Variants in PRLR observed in about 807,000 individuals in gnomAD.
The protein encoded by PRLR is hPRL receptor.
In PRLR, 13 loss-of-function variants were observed where a neutral mutation model predicts 40.2. The observed-to-expected ratio is 0.32, with a 90% CI of 0.21 to 0.51. The LOEUF (loss-of-function observed/expected upper bound fraction) is 0.51, where lower values mean the gene tolerates loss of function less well. Ranked by LOEUF, PRLR falls within the 20% of genes least tolerant of loss-of-function variation. The pLI is 0.97. For missense variants in PRLR, 656 were observed against 747.3 expected (o/e 0.88, Z 1.42); for synonymous variants, 269 against 278.7 (o/e 0.97, Z 0.35).
intron 1 of PRLR, among the ~76,000 whole-genome samples, chr5:35,220,197 C>G (rs1330890638): frequency 6.6e-6 from 1 of 152,216 alleles, no homozygotes; most frequent in Non-Finnish European, 1.5e-5. Context: ...ATGTTAGGCT[C>G]TCAAAGCACT....
chr5:35,066,232 C>T, intron 9 of PRLR, 130 bp from the exon 10 acceptor site: 1 of 928,712 alleles, frequency 1.1e-6, no homozygotes, highest in Non-Finnish European at 1.6e-6. Flanking sequence ...CATTTGTGTG[C>T]CAGGCCATCT....
intron 1 of PRLR, among the ~76,000 whole-genome samples, chr5:35,131,242 G>A (rs561528845): frequency 3.3e-5 from 5 of 152,176 alleles, no homozygotes; most frequent in African/African-American, 1.2e-4. Flanking sequence ...ATGGGATTTT[G>A]TTGGCCTAAT....
intron 1 of PRLR, among the ~76,000 whole-genome samples, chr5:35,182,225 G>A (rs560715265): frequency 6.6e-6 from 1 of 152,136 alleles, no homozygotes; most frequent in Admixed American, 6.5e-5. Flanking sequence ...AGAAACTGAG[G>A]CACTGATTCT....
rs550363071 is a variant in PRLR, at chr5:35,136,096, A to C, written c.-105-17974T>G. 2.0e-5 allele frequency among the ~76,000 whole-genome samples: 3 copies of C among 152,362 alleles called. No individual in the cohort carries two copies. In the South Asian group the frequency reaches 6.2e-4, roughly 32 times the overall value. Reference sequence around the variant, plus strand: ...TGAGCAGAAAATGTGAGGTAGGGAAATCATACGCAGAATGAACATAGAATA... The same window carrying C: ...TGAGCAGAAAATGTGAGGTAGGGAACTCATACGCAGAATGAACATAGAATA... On this transcript the variant is annotated intron_variant, in intron 1 of 9. Coordinates refer to ENST00000618457, the MANE Select transcript of PRLR (RefSeq NM_000949.7).
At chr5:35,085,093 G>T (rs1373686208) in intron 4 of PRLR, among the ~76,000 whole-genome samples, 2 of 152,166 alleles carry the variant, frequency 1.3e-5, no homozygotes, top group African/African-American at 2.4e-5. Context: ...TTAAAAAAGG[G>T]TTCAAGAGGA....
intron 1 of PRLR, among the ~76,000 whole-genome samples, chr5:35,171,999 G>T: frequency 6.6e-6 from 1 of 152,162 alleles, no homozygotes; most frequent in Non-Finnish European, 1.5e-5. Flanking sequence ...CCCTCAGGTT[G>T]TTTAACATGA....
Position 35,198,012 on chromosome 5 carries a change from G to A in PRLR, c.-106+32256C>T, listed in dbSNP as rs372347531. 6.6e-5 allele frequency among the ~76,000 whole-genome samples: 10 copies of A among 152,336 alleles called. No homozygotes were observed. The East Asian group carries it at 1.4e-3, about 21-fold the overall frequency. The stretch of plus-strand genomic sequence containing the variant: ...CCTGGAGTATTGTGGCATGGATGCC[G>A]ATGGCACCATTCCTCCAGCCAGTCC... On this transcript the variant is annotated intron_variant, in intron 1 of 9. Coordinates refer to ENST00000618457, the MANE Select transcript of PRLR (RefSeq NM_000949.7).
At chr5:35,200,722 GC>G (rs1293824718) in intron 1 of PRLR, among the ~76,000 whole-genome samples, 1 of 152,102 alleles carries the variant, frequency 6.6e-6, no homozygotes, top group Non-Finnish European at 1.5e-5. Flanking sequence ...TTTATATAGG[GC>G]TTTCCAGGTC....
At chr5:35,205,549 AT>A (rs10715671) in intron 1 of PRLR, among the ~76,000 whole-genome samples, 136,953 of 152,198 alleles carry the variant, frequency 0.9, 62,375 homozygotes, top group African/African-American at 0.96. Context: ...CTGTATGAAA[AT>A]TCTCAACTCT....
intron 1 of PRLR, among the ~76,000 whole-genome samples, chr5:35,123,093 G>T (rs1376436789): frequency 6.6e-6 from 1 of 152,158 alleles, no homozygotes; most frequent in Non-Finnish European, 1.5e-5. Context: ...ACTACAAGGG[G>T]TAGGTGTGGG....
At chr5:35,170,218 T>G (rs539486550) in intron 1 of PRLR, among the ~76,000 whole-genome samples, 3 of 152,228 alleles carry the variant, frequency 2.0e-5, no homozygotes, top group African/African-American at 7.2e-5. Context: ...CTGTGCATTT[T>G]GATTGCAAAA....
intron 1 of PRLR, among the ~76,000 whole-genome samples, chr5:35,166,959 TG>T (rs1370907405): frequency 6.6e-6 from 1 of 152,164 alleles, no homozygotes. Context: ...TTCTGTTTTT[TG>T]TATATGCTAG....
chr5:35,193,492 C>T (rs745527423), intron 1 of PRLR, among the ~76,000 whole-genome samples: 20 of 152,300 alleles, frequency 1.3e-4, no homozygotes, highest in Middle Eastern at 6.8e-3. Flanking sequence ...TGATTTTAAG[C>T]AGTGATGTTG....
At chr5:35,179,723 C>T (rs1775242536) in intron 1 of PRLR, among the ~76,000 whole-genome samples, 1 of 151,970 alleles carries the variant, frequency 6.6e-6, no homozygotes, top group Admixed American at 6.6e-5. Flanking sequence ...ATTATAATCC[C>T]CAGTGTTGGA....
At chr5:35,051,659 T>C (rs1416502060), downstream of PRLR, among the ~76,000 whole-genome samples, 1 of 152,194 alleles carries the variant, frequency 6.6e-6, no homozygotes, top group East Asian at 1.9e-4. Context: ...TAGTGATTAT[T>C]ACAGAATTGG....
In PRLR at chr5:35,064,955, T is replaced by A. The variant is rs1367254326; in HGVS notation, c.*134A>T. On this transcript the variant is annotated 3_prime_UTR_variant, in exon 10 of 10. Transcript: ENST00000618457. The stretch of plus-strand genomic sequence containing the variant: ...AGCTGCTGGAGAAAGAGGCAAGTGG[T>A]TAAAAATGGAGCATGAAAGGAGCTG... 3 of 978,472 alleles carry A rather than the reference T, an allele frequency of 3.1e-6. No individual in the cohort carries two copies. Among genetic ancestry groups the A allele is most frequent in the African/African-American group, 1.6e-5 (1 of 61,032 alleles). 60.6% of individuals were successfully genotyped at this position (978,472 alleles called of 1,614,324 possible).
At chr5:35,182,540 T>C (rs746753583) in intron 1 of PRLR, among the ~76,000 whole-genome samples, 2 of 152,240 alleles carry the variant, frequency 1.3e-5, no homozygotes, top group Non-Finnish European at 2.9e-5. Context: ...TTCTGTCATA[T>C]GCAGTTGATC....
rs1773886502 is a variant in PRLR, at chr5:35,137,240, A to G, written c.-105-19118T>C. On this transcript the variant is annotated intron_variant, in intron 1 of 9. Transcript: ENST00000618457. ...AAGGTTAGGGATTGGTCTAAAGACC[A>G]CATGGGTTGTAAGTGACTGGACTGT... is the stretch of plus-strand genomic sequence containing the variant. 2.6e-5 allele frequency among the ~76,000 whole-genome samples: 4 copies of G among 152,380 alleles called. No homozygotes were observed. In the South Asian group the frequency reaches 8.3e-4, roughly 32 times the overall value.
chr5:35,084,713 T>C (rs1770736224), intron 4 of PRLR, 74 bp from the exon 5 acceptor site: 2 of 1,399,872 alleles, frequency 1.4e-6, no homozygotes, highest in Admixed American at 2.2e-5. Flanking sequence ...CATAGATCAA[T>C]ACCACTGGCC....
Sources: gnomAD v4.1 joint callset for allele counts (sites outside exome capture counted in the v4.1 genomes callset) on GRCh38, gnomAD v4.1.1 for gene constraint, MANE v1.5 for transcripts, NCBI Gene and HGNC (gene_info 2026-07-23, HGNC 2026-07-21) for gene names.